Variants in HS6ST3 observed in about 807,000 individuals in gnomAD.
The protein encoded by HS6ST3 is heparan sulfate 6-O-sulfotransferase 3.
A neutral mutation model predicts 36.7 loss-of-function variants in HS6ST3; 12 were observed. The observed-to-expected ratio is 0.33, with a 90% CI of 0.21 to 0.53. HS6ST3 has a LOEUF of 0.53. Ranked by LOEUF, HS6ST3 falls within the 20% of genes least tolerant of loss-of-function variation. The pLI is 0.95. For missense variants in HS6ST3, 584 were observed against 640.9 expected, an observed-to-expected ratio of 0.91 and a Z score of 0.96; for synonymous variants, 240 against 257.5, an observed-to-expected ratio of 0.93 and a Z score of 0.65.
intron 1 of HS6ST3, among the ~76,000 whole-genome samples, chr13:96,398,331 A>G (rs9516680): frequency 0.89 from 136,112 of 152,242 alleles, 61,123 homozygotes; most frequent in South Asian, 0.94. Flanking sequence ...TACCCAGGCT[A>G]GAGTACAGTG....
chr13:96,543,046 C>T (rs1052402150), intron 1 of HS6ST3, among the ~76,000 whole-genome samples: 7 of 152,160 alleles, frequency 4.6e-5, no homozygotes, highest in Non-Finnish European at 1.0e-4. Flanking sequence ...GAGGAAAAAA[C>T]ACTTTTCATG....
intron 1 of HS6ST3, 108 bp from the exon 2 acceptor site, chr13:96,832,382 C>T (rs1878820022): frequency 1.3e-6 from 1 of 760,040 alleles, no homozygotes; most frequent in Non-Finnish European, 2.1e-6. Context: ...CTCACATGAA[C>T]ATTTGGCAAA....
At chr13:96,807,678 CA>C (rs1276054561) in intron 1 of HS6ST3, among the ~76,000 whole-genome samples, 21 of 152,074 alleles carry the variant, frequency 1.4e-4, no homozygotes, top group Non-Finnish European at 2.1e-4. Flanking sequence ...GTGAAGTGAG[CA>C]TCTGTATCAG....
chr13:96,400,831 A>G (rs577657636), intron 1 of HS6ST3, among the ~76,000 whole-genome samples: 3 of 152,098 alleles, frequency 2.0e-5, no homozygotes, highest in South Asian at 4.2e-4. Flanking sequence ...CTTCAGTTAT[A>G]CTCCATCAAG....
chr13:96,519,079 A>T (rs1164539418), intron 1 of HS6ST3, among the ~76,000 whole-genome samples: 2 of 152,222 alleles, frequency 1.3e-5, no homozygotes, highest in African/African-American at 4.8e-5. Context: ...CTAAAATGAT[A>T]AAACACTTAT....
chr13:96,264,624 A>G (rs917837009), intron 1 of HS6ST3, among the ~76,000 whole-genome samples: 2 of 152,216 alleles, frequency 1.3e-5, no homozygotes, highest in Non-Finnish European at 2.9e-5. Context: ...GTATCTAATC[A>G]ACTCTGAGCA....
At chr13:96,236,979 CA>C (rs2054537530) in intron 1 of HS6ST3, among the ~76,000 whole-genome samples, 1 of 152,176 alleles carries the variant, frequency 6.6e-6, no homozygotes, top group Non-Finnish European at 1.5e-5. Context: ...AGGAAACTTA[CA>C]ATTATGGGAG....
rs1299130466 is a variant in HS6ST3, at chr13:96,505,998, G to A, written c.708-326492G>A. Reference sequence around the variant, plus strand: ...TCTCTGAGACGCTGCATGAAGAATCGATACTTCTGTTTCTTTACCTTCTAT... The same window carrying A: ...TCTCTGAGACGCTGCATGAAGAATCAATACTTCTGTTTCTTTACCTTCTAT... On this transcript the variant is annotated intron_variant, in intron 1 of 1. Coordinates refer to ENST00000376705, the MANE Select transcript of HS6ST3 (RefSeq NM_153456.4). Among the ~76,000 whole-genome samples the A allele has an allele frequency of 2.6e-5, 4 of 152,072 alleles. No homozygotes were observed. In the East Asian group the frequency reaches 7.7e-4, roughly 29 times the overall value.
At chr13:96,459,973 G>A (rs993244548) in intron 1 of HS6ST3, among the ~76,000 whole-genome samples, 5 of 152,182 alleles carry the variant, frequency 3.3e-5, no homozygotes, top group African/African-American at 1.2e-4. Flanking sequence ...TTCTTCTTGT[G>A]AGTGTAATGA....
At chr13:96,683,157 G>A (rs1174998319) in intron 1 of HS6ST3, among the ~76,000 whole-genome samples, 2 of 151,876 alleles carry the variant, frequency 1.3e-5, no homozygotes, top group Non-Finnish European at 2.9e-5. Flanking sequence ...ATAATATATC[G>A]CTTATGATAT....
intron 1 of HS6ST3, among the ~76,000 whole-genome samples, chr13:96,564,895 T>C (rs2056275386): frequency 6.6e-6 from 1 of 152,174 alleles, no homozygotes; most frequent in African/African-American, 2.4e-5. Context: ...ATTTGCAGAA[T>C]AAAAGCATTC....
rs562462220 is a variant in HS6ST3, at chr13:96,594,358, G to A, written c.708-238132G>A. Among the ~76,000 whole-genome samples, 14 of 152,014 alleles carry A rather than the reference G, an allele frequency of 9.2e-5. No homozygotes were observed. In the South Asian group the frequency reaches 1.5e-3, roughly 16 times the overall value. On this transcript the variant is annotated intron_variant, in intron 1 of 1. Coordinates refer to ENST00000376705, the MANE Select transcript of HS6ST3 (RefSeq NM_153456.4). ...ACTTACTACTGCCATTTCATTCATC[G>A]TTTTCTAGTTGTTTTGTAGATCTTC...
chr13:96,830,401 C>G (rs1371910700), intron 1 of HS6ST3, among the ~76,000 whole-genome samples: 1 of 152,190 alleles, frequency 6.6e-6, no homozygotes, highest in East Asian at 1.9e-4. Flanking sequence ...TACAACTGCT[C>G]CCTTCTTTGC....
Position 96,834,224 on chromosome 13 carries a change from A to T in HS6ST3, c.*1026A>T, listed in dbSNP as rs530854860. 1 of 152,198 alleles carries T rather than the reference A, an allele frequency of 6.6e-6. No individual in the cohort carries two copies. Among genetic ancestry groups the T allele is most frequent in the African/African-American group, 2.4e-5 (1 of 41,454 alleles). The allele number at this position is 152,198 out of a possible 1,614,324, so 9.4% of individuals were successfully genotyped here. ...TAAAAGCTTGGCCCAAAGAATAGGA[A>T]CTTAGCTAGCATGTATACAAAATAT... On this transcript the variant is annotated 3_prime_UTR_variant, in exon 2 of 2. Transcript: ENST00000376705.
chr13:96,192,249 C>T (rs913924136), intron 1 of HS6ST3, among the ~76,000 whole-genome samples: 5 of 152,122 alleles, frequency 3.3e-5, no homozygotes, highest in African/African-American at 1.2e-4. Flanking sequence ...TGAATATTTT[C>T]AAGATATATG....
intron 1 of HS6ST3, among the ~76,000 whole-genome samples, chr13:96,643,393 A>G (rs966227415): frequency 1.3e-5 from 2 of 151,910 alleles, no homozygotes; most frequent in African/African-American, 2.4e-5. Flanking sequence ...ACACCCCTAC[A>G]CATGCACAAG....
intron 1 of HS6ST3, among the ~76,000 whole-genome samples, chr13:96,166,604 G>A (rs1241814791): frequency 7.3e-6 from 1 of 136,292 alleles, no homozygotes; most frequent in Non-Finnish European, 1.6e-5. Flanking sequence ...TAGAGACAGG[G>A]TTTTGCTGTG....
intron 1 of HS6ST3, among the ~76,000 whole-genome samples, chr13:96,439,109 G>T (rs1016195843): frequency 6.6e-6 from 1 of 151,968 alleles, no homozygotes; most frequent in African/African-American, 2.4e-5. Context: ...ATATGTGGCC[G>T]CTAGAGATCA....
chr13:96,429,164 C>CAGT (rs1371676809), intron 1 of HS6ST3, among the ~76,000 whole-genome samples: 1 of 152,170 alleles, frequency 6.6e-6, no homozygotes, highest in East Asian at 1.9e-4. Flanking sequence ...AAACCAAGGA[C>CAGT]AGTGACCAGC....
Sources: allele counts gnomAD v4.1 joint callset (sites outside exome capture counted in the v4.1 genomes callset), GRCh38; gene constraint gnomAD v4.1.1; transcripts MANE v1.5; gene names NCBI Gene and HGNC (gene_info 2026-07-23, HGNC 2026-07-21).